The following C12orf54 variants were observed in gnomAD, a reference collection of about 807,000 sequenced individuals.
The protein encoded by C12orf54 is uncharacterized protein C12orf54.
A neutral mutation model predicts 26.4 loss-of-function variants in C12orf54; 24 were observed. The ratio of observed to expected loss-of-function variants is 0.91; its 90% CI spans 0.66 to 1.28. The LOEUF is 1.28. C12orf54 is among the 50% of genes most tolerant of loss of function. The pLI, the probability that C12orf54 is intolerant of heterozygous loss-of-function variation, is 0.00. For synonymous variants in C12orf54, 54 were observed against 47.0 expected, an observed-to-expected ratio of 1.15 and a Z score of -0.61; for missense variants, 154 against 150.9, an observed-to-expected ratio of 1.02 and a Z score of -0.11.
At chr12:48,438,073 A>G in the C12orf54 span, among the ~76,000 whole-genome samples, 52 of 152,218 alleles carry the variant, frequency 3.4e-4, no homozygotes, top group African/African-American at 1.2e-3. Flanking sequence ...TACAAAATCA[A>G]TGTACAAAAA....
At chr12:48,485,888 G>C (rs1350242824) in intron 2 of C12orf54, among the ~76,000 whole-genome samples, 1 of 152,184 alleles carries the variant, frequency 6.6e-6, no homozygotes, top group Admixed American at 6.5e-5. Flanking sequence ...AGGCAGGCAG[G>C]AGAATGACAA....
intron 6 of C12orf54, among the ~76,000 whole-genome samples, chr12:48,491,870 T>G (rs1937796873): frequency 6.6e-6 from 1 of 152,132 alleles, no homozygotes; most frequent in Non-Finnish European, 1.5e-5. Context: ...AAAAACAGAT[T>G]CTTATTCAGT....
At chr12:48,457,751 G>A in the C12orf54 span, among the ~76,000 whole-genome samples, 1 of 152,114 alleles carries the variant, frequency 6.6e-6, no homozygotes, top group Non-Finnish European at 1.5e-5. Context: ...CCTTGGCTTT[G>A]GGTCCTCTTT....
the C12orf54 span, among the ~76,000 whole-genome samples, chr12:48,421,232 G>T: frequency 6.6e-6 from 1 of 152,112 alleles, no homozygotes; most frequent in East Asian, 1.9e-4. Flanking sequence ...TTTGGCTTCT[G>T]GGAAGACCTC....
chr12:48,435,373 A>C, the C12orf54 span, among the ~76,000 whole-genome samples: 4 of 152,242 alleles, frequency 2.6e-5, no homozygotes, highest in Non-Finnish European at 4.4e-5. Flanking sequence ...CCAATCTAGC[A>C]AGGCAGGCCA....
upstream of C12orf54, among the ~76,000 whole-genome samples, chr12:48,481,988 C>A (rs1954203770): frequency 6.6e-6 from 1 of 152,176 alleles, no homozygotes; most frequent in Admixed American, 6.5e-5. Flanking sequence ...CACACCTACA[C>A]CTAATGCCTC....
the C12orf54 span, among the ~76,000 whole-genome samples, chr12:48,460,874 A>G: frequency 1.3e-5 from 2 of 152,092 alleles, no homozygotes; most frequent in Non-Finnish European, 2.9e-5. Context: ...GGAACAAGGG[A>G]ACAAAGAATA....
At chr12:48,452,531 A>G in the C12orf54 span, among the ~76,000 whole-genome samples, 2 of 151,794 alleles carry the variant, frequency 1.3e-5, no homozygotes, top group African/African-American at 4.8e-5. Context: ...AAAACACAAC[A>G]ACGACAACAA....
chr12:48,423,988 T>G, the C12orf54 span, among the ~76,000 whole-genome samples: 1 of 152,206 alleles, frequency 6.6e-6, no homozygotes, highest in East Asian at 1.9e-4. Flanking sequence ...AATATATATG[T>G]CCCTTTACAA....
chr12:48,469,271 C>T, the C12orf54 span, among the ~76,000 whole-genome samples: 1 of 152,188 alleles, frequency 6.6e-6, no homozygotes, highest in Non-Finnish European at 1.5e-5. Context: ...TCTACAACTG[C>T]ATAAGATGGA....
chr12:48,453,217 C>T, the C12orf54 span, among the ~76,000 whole-genome samples: 1 of 152,074 alleles, frequency 6.6e-6, no homozygotes. Context: ...GACCATTATC[C>T]TTAGCAAACT....
the C12orf54 span, among the ~76,000 whole-genome samples, chr12:48,436,313 C>G: frequency 1.7e-4 from 26 of 152,210 alleles, no homozygotes; most frequent in Non-Finnish European, 2.5e-4. Context: ...AATAATGGGA[C>G]ACTTTAACAC....
the C12orf54 span, among the ~76,000 whole-genome samples, chr12:48,438,604 A>G: frequency 6.6e-6 from 1 of 152,204 alleles, no homozygotes; most frequent in African/African-American, 2.4e-5. Context: ...AATGATGCAT[A>G]TCTACAACTA....
At chr12:48,450,309 A>G in the C12orf54 span, among the ~76,000 whole-genome samples, 8 of 152,228 alleles carry the variant, frequency 5.3e-5, no homozygotes, top group African/African-American at 1.7e-4. Flanking sequence ...ACAACATACC[A>G]GAATCTCTGG....
chr12:48,426,035 G>A, the C12orf54 span, among the ~76,000 whole-genome samples: 1 of 150,920 alleles, frequency 6.6e-6, no homozygotes, highest in South Asian at 2.1e-4. Flanking sequence ...TCTGTAGGTT[G>A]TCTGTTTACT....
the C12orf54 span, among the ~76,000 whole-genome samples, chr12:48,456,718 G>T: frequency 2.6e-5 from 4 of 152,138 alleles, no homozygotes; most frequent in South Asian, 2.1e-4. Context: ...GCCCATTAGT[G>T]CTGTGTTATT....
the C12orf54 span, among the ~76,000 whole-genome samples, chr12:48,432,377 G>T: frequency 6.6e-5 from 10 of 152,076 alleles, no homozygotes; most frequent in Non-Finnish European, 1.3e-4. Flanking sequence ...GTTTAGAAAA[G>T]AACTCTCCTT....
intron 8 of C12orf54, chr12:48,495,631 C>T (rs1592206397): frequency 6.6e-6 from 1 of 152,446 alleles, no homozygotes; most frequent in Admixed American, 6.6e-5. Flanking sequence ...GCTAGCCACA[C>T]CCTCTATATG....
chr12:48,460,592 T>C, the C12orf54 span, among the ~76,000 whole-genome samples: 239 of 152,284 alleles, frequency 1.6e-3, 2 homozygotes, highest in African/African-American at 5.1e-3. Flanking sequence ...TAATTGACTA[T>C]TTAAAGAGAA....
Sources: gnomAD v4.1 joint callset for allele counts (sites outside exome capture counted in the v4.1 genomes callset) on GRCh38, gnomAD v4.1.1 for gene constraint, MANE v1.5 for transcripts, NCBI Gene and HGNC (gene_info 2026-07-23, HGNC 2026-07-21) for gene names.